The following MKLN1 variants were observed in gnomAD, a reference collection of about 807,000 sequenced individuals.
MKLN1 encodes the protein muskelin 1.
MKLN1 carries 18 observed loss-of-function variants against 99.0 expected under a neutral mutation model. The observed-to-expected ratio is 0.18, with a 90% confidence interval of 0.13 to 0.27. MKLN1 has a LOEUF of 0.27. Ranked by LOEUF, MKLN1 falls within the 10% of genes least tolerant of loss-of-function variation. MKLN1 has a pLI of 1.00. For synonymous variants in MKLN1, 288 were observed against 293.2 expected (o/e 0.98, Z 0.18); for missense variants, 621 against 875.9 (o/e 0.71, Z 3.67).
intron 3 of MKLN1, among the ~76,000 whole-genome samples, chr7:131,296,051 G>A (rs1009433295): frequency 4.6e-5 from 7 of 152,086 alleles, no homozygotes; most frequent in African/African-American, 1.7e-4. Context: ...TTACACTGTC[G>A]ATGAATATAA....
intron 2 of MKLN1, among the ~76,000 whole-genome samples, chr7:131,376,242 T>C (rs1450329605): frequency 2.0e-5 from 3 of 150,100 alleles, no homozygotes; most frequent in Non-Finnish European, 4.4e-5. Context: ...TTTATAATTT[T>C]TGGGAGCCGC....
At position 131,400,518 on chromosome 7, in the gene MKLN1, A is replaced by AAAAATATAT. The variant is rs527702723; in HGVS notation, c.703+1086_703+1087insAAATATATA. Reference sequence around the variant, plus strand: ...TTTAAAATGCTACCAATAAAAAAAAAATATATATATATATATATATATGCC... The same window carrying AAAAATATAT: ...TTTAAAATGCTACCAATAAAAAAAAAAAAATATATATATATATATATATATATATATGCC... On this transcript the variant is annotated intron_variant, in intron 6 of 17. Coordinates refer to ENST00000352689, the MANE Select transcript of MKLN1 (RefSeq NM_013255.5). Among the ~76,000 whole-genome samples, 319 of 137,416 alleles carry AAAAATATAT rather than the reference A, an allele frequency of 2.3e-3. 5 individuals are homozygous for AAAAATATAT. The highest frequency in any genetic ancestry group is 0.02 in the East Asian group (97 of 4,788). The allele number at this position is 137,416 out of a possible 152,430, so 90.2% of individuals were successfully genotyped here.
intron 1 of MKLN1, among the ~76,000 whole-genome samples, chr7:131,369,187 C>A (rs559024319): frequency 6.6e-6 from 1 of 152,064 alleles, no homozygotes; most frequent in South Asian, 2.1e-4. Flanking sequence ...TCAAAAAATG[C>A]GGCATCAAAC....
chr7:131,368,851 T>C (rs767380148), intron 1 of MKLN1, among the ~76,000 whole-genome samples: 7 of 152,224 alleles, frequency 4.6e-5, no homozygotes, highest in African/African-American at 7.2e-5. Context: ...TATATGCTTA[T>C]ATATTATTTT....
chr7:131,421,672 T>C (rs1006532532), intron 8 of MKLN1, among the ~76,000 whole-genome samples: 1 of 152,192 alleles, frequency 6.6e-6, no homozygotes, highest in Non-Finnish European at 1.5e-5. Context: ...AGTGATTAAT[T>C]ATGCTGAGAG....
intron 2 of MKLN1, among the ~76,000 whole-genome samples, chr7:131,159,213 A>G (rs978061920): frequency 1.3e-5 from 2 of 152,068 alleles, no homozygotes; most frequent in African/African-American, 4.8e-5. Flanking sequence ...AGAAAAAGAA[A>G]GTGACTAATG....
intron 1 of MKLN1, among the ~76,000 whole-genome samples, chr7:131,138,482 A>G (rs1340768304): frequency 6.6e-6 from 1 of 152,218 alleles, no homozygotes; most frequent in African/African-American, 2.4e-5. Flanking sequence ...TTGTAAAATG[A>G]TAATAGCCCT....
intron 2 of MKLN1, among the ~76,000 whole-genome samples, chr7:131,189,870 A>G (rs924411236): frequency 3.3e-5 from 5 of 151,362 alleles, no homozygotes; most frequent in Non-Finnish European, 7.4e-5. Flanking sequence ...AACCTTCAGG[A>G]TGCTTGAAGA....
At chr7:131,207,850 G>A (rs573383116) in intron 3 of MKLN1, among the ~76,000 whole-genome samples, 1 of 152,284 alleles carries the variant, frequency 6.6e-6, no homozygotes, top group South Asian at 2.1e-4. Context: ...CTAAAATTCT[G>A]GTCAAGGGAG....
At chr7:131,287,513 T>C (rs1028623765) in intron 3 of MKLN1, among the ~76,000 whole-genome samples, 4 of 152,194 alleles carry the variant, frequency 2.6e-5, no homozygotes, top group African/African-American at 9.7e-5. Context: ...TAAGGATACA[T>C]GTGATTGCAT....
intron 8 of MKLN1, among the ~76,000 whole-genome samples, chr7:131,421,735 A>G (rs2116388988): frequency 6.6e-6 from 1 of 152,316 alleles, no homozygotes; most frequent in Admixed American, 6.5e-5. Flanking sequence ...GCATAATTTG[A>G]CAAAATTTCA....
At chr7:131,328,185 T>A in intron 1 of MKLN1, 188 bp downstream of exon 1, 1 of 705,830 alleles carries the variant, frequency 1.4e-6, no homozygotes, top group Admixed American at 3.0e-5. Context: ...GGGGTTAGGG[T>A]CCGGAGAGCG....
At chr7:131,290,219 C>G (rs546259694) in intron 3 of MKLN1, among the ~76,000 whole-genome samples, 23 of 152,270 alleles carry the variant, frequency 1.5e-4, no homozygotes, top group African/African-American at 4.6e-4. Context: ...GCAGGAGACT[C>G]TCTTGAATCC....
Position 131,291,580 on chromosome 7 carries a change from T to TTATA in MKLN1, c.-178-83825_-178-83822dup, listed in dbSNP as rs34732483. Among the ~76,000 whole-genome samples the TTATA allele has an allele frequency of 3.0e-4, 43 of 145,178 alleles. 1 individual carries two copies. The highest frequency in any genetic ancestry group is 7.1e-3 in the Middle Eastern group (2 of 280). ...TAACACAGAATACAGCTTTCATTTA[T>TTATA]TATATATATATATATATATATAATA... On this transcript the variant is annotated intron_variant, in intron 3 of 7. Transcript: ENST00000416992.
intron 3 of MKLN1, among the ~76,000 whole-genome samples, chr7:131,203,182 G>C (rs144706440): frequency 6.6e-6 from 1 of 152,264 alleles, no homozygotes; most frequent in East Asian, 1.9e-4. Context: ...TCCCAAGTCC[G>C]AGCACTGTAT....
chr7:131,478,902 G>A, intron 17 of MKLN1: 1 of 569,712 alleles, frequency 1.8e-6, no homozygotes, highest in East Asian at 3.0e-5. Flanking sequence ...TGCTGTGTTA[G>A]TATGCAAACA....
chr7:131,190,379 C>T lies in MKLN1; in HGVS notation c.-296-12478C>T, dbSNP rs530708093. On this transcript the variant is annotated intron_variant, in intron 2 of 7. Transcript: ENST00000416992. ...CTTGATGTCTTAGAGAAGCAGATGA[C>T]CCCGGCTGAGCAAGACAGTCAGCAG... is the stretch of plus-strand genomic sequence containing the variant. Among the ~76,000 whole-genome samples, 6 of 151,972 alleles carry T rather than the reference C, an allele frequency of 3.9e-5. No homozygotes were observed. In the South Asian group the frequency reaches 6.2e-4, roughly 16 times the overall value.
chr7:131,439,748 A>G (rs1287976443), intron 10 of MKLN1, among the ~76,000 whole-genome samples: 1 of 152,214 alleles, frequency 6.6e-6, no homozygotes, highest in East Asian at 1.9e-4. Flanking sequence ...TTTAAAAAAT[A>G]AAATTTAAAG....
intron 1 of MKLN1, among the ~76,000 whole-genome samples, chr7:131,371,598 TG>T (rs1229691033): frequency 6.6e-6 from 1 of 152,180 alleles, no homozygotes; most frequent in Non-Finnish European, 1.5e-5. Flanking sequence ...TGCAACTGTT[TG>T]GCCCCCTTGA....
Sources: allele counts gnomAD v4.1 joint callset (sites outside exome capture counted in the v4.1 genomes callset), GRCh38; gene constraint gnomAD v4.1.1; transcripts MANE v1.5; gene names NCBI Gene and HGNC (gene_info 2026-07-23, HGNC 2026-07-21).